Variants in LIPC observed in about 807,000 individuals in gnomAD.
The protein encoded by LIPC is hepatic triacylglycerol lipase.
A neutral mutation model predicts 50.7 loss-of-function variants in LIPC; 44 were observed. That is an observed-to-expected ratio of 0.87 (90% CI 0.68 to 1.11). The LOEUF (loss-of-function observed/expected upper bound fraction) is 1.11. Ranked by LOEUF, LIPC falls within the 50% of genes most tolerant of loss-of-function variation. LIPC has a pLI of 0.00. For synonymous variants in LIPC, 271 were observed against 256.4 expected, an observed-to-expected ratio of 1.06 and a Z score of -0.54; for missense variants, 697 against 648.2, an observed-to-expected ratio of 1.08 and a Z score of -0.82.
Position 58,471,595 on chromosome 15 carries a change from G to A in LIPC, c.88+39475G>A, listed in dbSNP as rs985652929. ...TGTCATGGTCATGGCAGCAGCAAGA[G>A]GCAGTCTGAGTGCCATACACTGCAG... On this transcript the variant is annotated intron_variant, in intron 1 of 8. Coordinates refer to ENST00000299022, the MANE Select transcript of LIPC (RefSeq NM_000236.3). Among the ~76,000 whole-genome samples, 5 of 152,188 alleles carry A rather than the reference G, an allele frequency of 3.3e-5. No homozygotes were observed. In the East Asian group the frequency reaches 7.7e-4, roughly 23 times the overall value.
rs559266901 is a variant in LIPC, at chr15:58,563,566, G to A, written c.1231G>A (p.Gly411Ser). 12 of 1,614,156 alleles carry A rather than the reference G, an allele frequency of 7.4e-6. No homozygotes were observed. Among genetic ancestry groups the A allele is most frequent in the Middle Eastern group, 1.6e-4 (1 of 6,062 alleles). The change falls in exon 8 of 9, where the codon GGC becomes AGC. Residue 411 changes from glycine to serine, a missense_variant. By Grantham distance (56) the Gly-to-Ser change is moderately conservative. Transcript: ENST00000299022. ...SFLITLDVDI[G>S]ELIMIKFKWE... ...TCTTATCACGCTGGATGTGGATATC[G>A]GCGAGCTGATCATGATCAAGTTCAA...
chr15:58,528,586 G>T (rs1473158335), intron 1 of LIPC, among the ~76,000 whole-genome samples: 1 of 152,064 alleles, frequency 6.6e-6, no homozygotes, highest in Non-Finnish European at 1.5e-5. Context: ...ACTGCTCACT[G>T]CAGTCTCGAC....
At chr15:58,538,647 G>T in intron 2 of LIPC, 130 bp downstream of exon 2, 1 of 911,836 alleles carries the variant, frequency 1.1e-6, no homozygotes. Context: ...TATGAAGCAC[G>T]TTCTAATTTT....
intron 1 of LIPC, among the ~76,000 whole-genome samples, chr15:58,489,877 T>C (rs1209802222): frequency 6.6e-6 from 1 of 152,158 alleles, no homozygotes; most frequent in Non-Finnish European, 1.5e-5. Flanking sequence ...AAAGTTAGCT[T>C]GGCCTACACC....
intron 1 of LIPC, among the ~76,000 whole-genome samples, chr15:58,487,678 G>T (rs1433936102): frequency 1.3e-5 from 2 of 152,170 alleles, no homozygotes; most frequent in Non-Finnish European, 1.5e-5. Flanking sequence ...CTGTAGAGTG[G>T]GGACTGAAAT....
At position 58,542,594 on chromosome 15, in the gene LIPC, G is replaced by A. The variant is rs767952446; in HGVS notation, c.517G>A (p.Val173Met). The A allele has an allele frequency of 5.2e-5, 84 of 1,613,758 alleles. No individual in the cohort carries two copies. The highest frequency in any genetic ancestry group is 1.1e-4 in the East Asian group (5 of 44,878). The change falls in exon 4 of 9, where the codon GTG becomes ATG. Residue 173 changes from valine to methionine, a missense_variant. By Grantham distance (21) the Val-to-Met change is conservative. Transcript: ENST00000299022. ...AATTGGGTACAGCCTGGGTGCACAC[G>A]TGTCAGGATTTGCCGGCAGTTCCAT... ...HLIGYSLGAH[V>M]SGFAGSSIGG... is the part of the protein sequence containing the mutation.
chr15:58,514,811 G>A (rs2140863953), intron 1 of LIPC, among the ~76,000 whole-genome samples: 1 of 152,288 alleles, frequency 6.6e-6, no homozygotes, highest in South Asian at 2.1e-4. Context: ...ACGACAGAGT[G>A]ACACTCCATC....
At chr15:58,503,915 C>T (rs1332127262) in intron 1 of LIPC, among the ~76,000 whole-genome samples, 1 of 148,532 alleles carries the variant, frequency 6.7e-6, no homozygotes, top group Non-Finnish European at 1.5e-5. Flanking sequence ...ACCCACACCC[C>T]CACCCAAACA....
intron 8 of LIPC, among the ~76,000 whole-genome samples, chr15:58,564,311 C>T (rs1175572951): frequency 6.6e-6 from 1 of 151,866 alleles, no homozygotes; most frequent in Non-Finnish European, 1.5e-5. Flanking sequence ...GAATCAGAGC[C>T]CTAAGAAACT....
Position 58,542,560 on chromosome 15 carries a change from T to G in LIPC, c.483T>G (p.His161Gln), listed in dbSNP as rs1213657368. The change falls in exon 4 of 9, where the codon CAT (histidine) becomes CAG (glutamine). Residue 161 changes from histidine (H) to glutamine (Q), a missense_variant. Physicochemically the swap from His to Gln is conservative, Grantham distance 24. Transcript: ENST00000299022. The part of the protein sequence containing the change: ...LEESVQLSRS[H>Q]VHLIGYSLGA... The stretch of plus-strand genomic sequence containing the variant: ...AATCTGTGCAACTCTCTCGAAGCCA[T>G]GTTCACCTAATTGGGTACAGCCTGG... 2.5e-6 allele frequency: 4 copies of G among 1,613,478 alleles called. No individual in the cohort carries two copies. Among genetic ancestry groups the G allele is most frequent in the Non-Finnish European group, 2.5e-6 (3 of 1,179,564 alleles).
intron 1 of LIPC, among the ~76,000 whole-genome samples, chr15:58,530,888 C>A (rs185183322): frequency 2.0e-5 from 3 of 152,316 alleles, no homozygotes; most frequent in Non-Finnish European, 4.4e-5. Context: ...GGATATGCGA[C>A]AATTTGTTTA....
At chr15:58,521,006 C>T (rs1490543722) in intron 1 of LIPC, among the ~76,000 whole-genome samples, 1 of 152,146 alleles carries the variant, frequency 6.6e-6, no homozygotes, top group African/African-American at 2.4e-5. Flanking sequence ...CCCATGATTC[C>T]AAAGAATATC....
intron 1 of LIPC, among the ~76,000 whole-genome samples, chr15:58,461,724 G>T (rs756733104): frequency 8.6e-5 from 13 of 151,874 alleles, no homozygotes; most frequent in Non-Finnish European, 1.5e-4. Context: ...CGCCACCTAT[G>T]TTCTTAATCC....
chr15:58,457,015 G>A (rs1385400183), intron 1 of LIPC, among the ~76,000 whole-genome samples: 1 of 152,190 alleles, frequency 6.6e-6, no homozygotes, highest in Non-Finnish European at 1.5e-5. Context: ...GCCCAGGGCC[G>A]GGCACCTCCT....
intron 1 of LIPC, among the ~76,000 whole-genome samples, chr15:58,450,639 G>T (rs1316714757): frequency 1.3e-5 from 2 of 152,138 alleles, no homozygotes; most frequent in African/African-American, 4.8e-5. Context: ...ATGTTACATG[G>T]GTCTGGGACC....
In LIPC at chr15:58,485,784, C is replaced by A. The variant is rs148989563; in HGVS notation, c.89-52549C>A. Among the ~76,000 whole-genome samples the A allele has an allele frequency of 3.1e-3, 473 of 152,376 alleles. 2 individuals carry two copies. Among genetic ancestry groups the A allele is most frequent in the African/African-American group, 8.8e-3 (367 of 41,594 alleles). On this transcript the variant is annotated intron_variant, in intron 1 of 8. Coordinates refer to ENST00000299022, the MANE Select transcript of LIPC (RefSeq NM_000236.3). The stretch of plus-strand genomic sequence containing the variant: ...TCCCAGCGCTGCCTTCCCAGCCACA[C>A]TGAGGGAGAGGTGGGCTTGGCCCTT...
At chr15:58,521,987 C>G (rs1178516387) in intron 1 of LIPC, 1 of 151,868 alleles carries the variant, frequency 6.6e-6, no homozygotes, top group Non-Finnish European at 1.5e-5. Context: ...GAACAATAAC[C>G]AGAAGAGAGT....
chr15:58,438,375 C>A (rs755399082), intron 1 of LIPC, among the ~76,000 whole-genome samples: 2 of 152,196 alleles, frequency 1.3e-5, no homozygotes, highest in Non-Finnish European at 2.9e-5. Flanking sequence ...GCGATTCTCA[C>A]AGCCAGGAAG....
chr15:58,563,034 A>G (rs1294224253), intron 7 of LIPC, among the ~76,000 whole-genome samples: 2 of 152,174 alleles, frequency 1.3e-5, no homozygotes, highest in Non-Finnish European at 2.9e-5. Context: ...TTTTATGTGT[A>G]GTTTTTCTAT....
Sources: allele counts gnomAD v4.1 joint callset (sites outside exome capture counted in the v4.1 genomes callset), GRCh38; gene constraint gnomAD v4.1.1; transcripts MANE v1.5; gene names NCBI Gene and HGNC (gene_info 2026-07-23, HGNC 2026-07-21).